CFAP251: variants seen among roughly 807,000 people sequenced by gnomAD.
The protein encoded by CFAP251 is cilia and flagella associated protein 251.
Under a neutral mutation model 126.7 loss-of-function variants are expected in CFAP251, and 93 were observed. The ratio of observed to expected loss-of-function variants is 0.73; its 90% CI spans 0.62 to 0.87. The LOEUF (loss-of-function observed/expected upper bound fraction) is 0.87. Among genes scored for constraint, CFAP251 ranks in the 40% least tolerant of loss-of-function variants. The pLI, the probability that CFAP251 is intolerant of heterozygous loss-of-function variation, is 0.00. For synonymous variants in CFAP251, 503 were observed against 506.9 expected, an observed-to-expected ratio of 0.99 and a Z score of 0.10; for missense variants, 1,287 against 1,389.2, an observed-to-expected ratio of 0.93 and a Z score of 1.17.
intron 3 of CFAP251, among the ~76,000 whole-genome samples, chr12:121,928,924 T>G (rs1303503502): frequency 4.6e-5 from 7 of 151,768 alleles, no homozygotes; most frequent in Non-Finnish European, 1.0e-4. Flanking sequence ...CTTGAACTCC[T>G]GGGATCAAGC....
chr12:121,943,449 C>T (rs1021250234), intron 7 of CFAP251, among the ~76,000 whole-genome samples: 5 of 152,138 alleles, frequency 3.3e-5, no homozygotes, highest in Admixed American at 2.0e-4. Context: ...GAGTTTCGCT[C>T]TTGTTGCCCA....
chr12:121,980,308 G>A (rs2135803629), intron 19 of CFAP251, among the ~76,000 whole-genome samples: 1 of 152,272 alleles, frequency 6.6e-6, no homozygotes, highest in African/African-American at 2.4e-5. Context: ...TACAAAATGA[G>A]TGCAGCAGTC....
chr12:121,946,859 A>G (rs1523260), intron 7 of CFAP251, among the ~76,000 whole-genome samples: 151,281 of 152,242 alleles, frequency 0.99, 75,166 homozygotes, highest in Middle Eastern at 1. Context: ...GATTATAGGC[A>G]TGAGCCACTG....
chr12:121,971,580 A>G (rs1207701294), intron 17 of CFAP251: 1 of 702,870 alleles, frequency 1.4e-6, no homozygotes, highest in South Asian at 1.5e-5. Flanking sequence ...CCAGGCACCA[A>G]TATTATCCCC....
At chr12:121,924,155 G>C (rs553120034) in intron 3 of CFAP251, among the ~76,000 whole-genome samples, 165 bp downstream of exon 3, 14 of 152,252 alleles carry the variant, frequency 9.2e-5, no homozygotes, top group African/African-American at 3.4e-4. Context: ...TGTCGCCCAG[G>C]CTGGAGTGCA....
At position 121,964,882 on chromosome 12, in the gene CFAP251, G is replaced by A. The variant is rs145281832; in HGVS notation, c.2493-2073G>A. 2.8e-3 allele frequency among the ~76,000 whole-genome samples: 430 copies of A among 152,186 alleles called. 2 individuals are homozygous for A. The highest frequency in any genetic ancestry group is 9.8e-3 in the African/African-American group (406 of 41,506). ...CTAGCCACTTTACTCCAGCCTGGGC[G>A]ACAGAGCTAGACTCTGTCTTAAAAA... On this transcript the variant is annotated intron_variant, in intron 15 of 21. Coordinates refer to ENST00000288912, the MANE Select transcript of CFAP251 (RefSeq NM_144668.6).
chr12:121,995,694 C>T (rs1412039581), intron 19 of CFAP251, among the ~76,000 whole-genome samples: 2 of 152,116 alleles, frequency 1.3e-5, no homozygotes, highest in Non-Finnish European at 1.5e-5. Context: ...TTATGTTGCC[C>T]AGGCTGGTCT....
At chr12:121,921,140 T>G in intron 1 of CFAP251, 146 bp from the exon 2 acceptor site, 1 of 919,234 alleles carries the variant, frequency 1.1e-6, no homozygotes, top group Non-Finnish European at 1.6e-6. Context: ...TGAGCCACCG[T>G]GCCTGGTCAG....
Position 121,918,904 on chromosome 12 carries a change from C to G in CFAP251, c.-21+209C>G, listed in dbSNP as rs146089350. Among the ~76,000 whole-genome samples, 253 of 152,254 alleles carry G rather than the reference C, an allele frequency of 1.7e-3. 2 individuals are homozygous for G. The highest frequency in any genetic ancestry group is 5.8e-3 in the African/African-American group (240 of 41,564). On this transcript the variant is annotated intron_variant, in intron 1 of 21. Transcript: ENST00000288912. This position sits in a 1 kb window ranked among gnomAD's most constrained non-coding sequence, Gnocchi z 4.3. ...GAGCCACGCACCTGGCACCCCTGCC[C>G]CAAACCCCTGCGGCTCGAACCCGGC... is the stretch of plus-strand genomic sequence containing the variant.
At chr12:121,967,659 G>A (rs540266931) in intron 16 of CFAP251, among the ~76,000 whole-genome samples, 13 of 152,298 alleles carry the variant, frequency 8.5e-5, no homozygotes, top group South Asian at 2.1e-4. Flanking sequence ...CCGAGATCGC[G>A]CCACTGCAGT....
At chr12:121,956,946 T>G in intron 10 of CFAP251, 128 bp from the exon 11 acceptor site, 2 of 627,902 alleles carry the variant, frequency 3.2e-6, no homozygotes, top group Admixed American at 7.9e-5. Flanking sequence ...AAAATCATTC[T>G]CGTTGGGAGT....
chr12:121,951,322 G>T, intron 8 of CFAP251, 158 bp from the exon 9 acceptor site: 1 of 464,880 alleles, frequency 2.2e-6, no homozygotes, highest in Non-Finnish European at 3.9e-6. Context: ...CTTTCAGAAT[G>T]TTTTTAGATA....
At chr12:121,999,435 G>C (rs1484658847) in intron 19 of CFAP251, 1 of 205,144 alleles carries the variant, frequency 4.9e-6, no homozygotes, top group Non-Finnish European at 9.9e-6. Context: ...GAGTGCAGTG[G>C]CACGTTCTTG....
Position 121,931,819 on chromosome 12 carries a change from T to G in CFAP251, c.821T>G (p.Leu274Arg), listed in dbSNP as rs1880703485. 2.5e-6 allele frequency: 4 copies of G among 1,606,950 alleles called. No homozygotes were observed. The African/African-American group carries it at 5.4e-5, about 22-fold the overall frequency. Residue 274 changes from leucine (L) to arginine (R), a missense_variant, in exon 4 of 22, where the codon CTT (leucine) becomes CGT (arginine). Leu to Arg is a moderately radical substitution (Grantham distance 102). Transcript: ENST00000288912. ...ATTCGAGAGGAAAGGCAGAGAGTTC[T>G]TCTGTATGTTTGTGCTCACACTGCG... ...YYIREERQRVLLYVCAHTAII... is the reference protein window; with the variant it reads ...YYIREERQRVRLYVCAHTAII...
At chr12:121,926,744 A>G (rs1309944734) in intron 3 of CFAP251, among the ~76,000 whole-genome samples, 2 of 152,244 alleles carry the variant, frequency 1.3e-5, no homozygotes, top group Admixed American at 1.3e-4. Flanking sequence ...CAGGAGTTCA[A>G]GACCAGCCTG....
At chr12:121,993,112 C>T (rs1272584788) in intron 19 of CFAP251, among the ~76,000 whole-genome samples, 10 of 143,052 alleles carry the variant, frequency 7.0e-5, no homozygotes, top group African/African-American at 2.6e-4. Flanking sequence ...CGAGTGCCTG[C>T]GATTGCAGGC....
At chr12:121,938,601 A>G (rs1023108223) in intron 5 of CFAP251, among the ~76,000 whole-genome samples, 1 of 148,112 alleles carries the variant, frequency 6.8e-6, no homozygotes, top group African/African-American at 2.5e-5. Context: ...AAGTGCTGGG[A>G]TTACAGGCGT....
chr12:121,994,895 A>G (rs1263205172), intron 19 of CFAP251, among the ~76,000 whole-genome samples: 1 of 146,152 alleles, frequency 6.8e-6, no homozygotes, highest in Non-Finnish European at 1.5e-5. Context: ...CCTTCCCTCC[A>G]CTATTGTCCC....
chr12:121,932,098 T>C (rs1334364721), intron 4 of CFAP251: 1 of 377,976 alleles, frequency 2.6e-6, no homozygotes, highest in Non-Finnish European at 4.5e-6. Flanking sequence ...CAGCAGTTGA[T>C]ATTAATTTTA....
Sources: allele counts gnomAD v4.1 joint callset (sites outside exome capture counted in the v4.1 genomes callset), GRCh38; gene constraint gnomAD v4.1.1; non-coding constraint Gnocchi (gnomAD v3.1); transcripts MANE v1.5; gene names NCBI Gene and HGNC (gene_info 2026-07-23, HGNC 2026-07-21).